SLC9C1: variants seen among roughly 807,000 people sequenced by gnomAD.
SLC9C1 encodes the protein solute carrier family 9 member C1, also known as sodium/hydrogen exchanger 10.
Under a neutral mutation model 140.9 loss-of-function variants are expected in SLC9C1, and 97 were observed. That is an observed-to-expected ratio of 0.69 (90% confidence interval 0.58 to 0.82). The LOEUF (loss-of-function observed/expected upper bound fraction) is 0.82. Ranked by LOEUF, SLC9C1 falls within the 40% of genes least tolerant of loss-of-function variation. The pLI is 0.00. For missense variants in SLC9C1, 1,340 were observed against 1,389.3 expected (o/e 0.96, Z 0.56); for synonymous variants, 440 against 442.6 (o/e 0.99, Z 0.07).
rs2077198670 is a variant in SLC9C1, at chr3:112,169,216, C to T, written c.3032G>A (p.Arg1011Lys). The change falls in exon 24 of 29, where the codon AGA (arginine) becomes AAA (lysine). Residue 1011 changes from arginine (R) to lysine (K), a missense_variant. Arg to Lys is a conservative substitution (Grantham distance 26). Transcript: ENST00000305815. The stretch of plus-strand genomic sequence containing the variant: ...TCCTACCTCATAAGATAAGTGTTCT[C>T]TGATTTTTCTGGCTGTAATAGCGAG... ...LGLAITARKI[R>K]EHLSYEDWNY... The T allele has an allele frequency of 6.2e-7, 1 of 1,612,854 alleles. No individual in the cohort carries two copies. The highest frequency in any genetic ancestry group is 1.3e-5 in the African/African-American group (1 of 74,868).
chr3:112,247,317 G>C (rs2079314694), intron 10 of SLC9C1, among the ~76,000 whole-genome samples: 1 of 152,026 alleles, frequency 6.6e-6, no homozygotes, highest in Admixed American at 6.6e-5. Flanking sequence ...TCTTAGATTT[G>C]AGGCTTTCCA....
intron 23 of SLC9C1, among the ~76,000 whole-genome samples, chr3:112,177,157 C>T (rs1338396597): frequency 6.6e-6 from 1 of 152,000 alleles, no homozygotes; most frequent in Non-Finnish European, 1.5e-5. Context: ...CAGGTGTGCA[C>T]CACTGTGCCC....
At position 112,208,352 on chromosome 3, in the gene SLC9C1, G is replaced by T. The variant is rs1053654467; in HGVS notation, c.1812C>A (p.Cys604Ter). Residue 604 changes from cysteine (C) to a stop codon, truncating the protein, a stop_gained, in exon 16 of 29, where the codon TGC becomes TGA. Coordinates refer to ENST00000305815, the MANE Select transcript of SLC9C1 (RefSeq NM_183061.3). LOFTEE classifies it high-confidence loss of function. ...ATTCCTCAGTAAATACTATTGTATG[G>T]CATATACGAAAAAAGAAGTATCTGT... The part of the protein sequence containing the change: ...GPSKYFFFRI[C>*]HTIVFTEEFE... The T allele has an allele frequency of 1.2e-5, 18 of 1,555,900 alleles. No individual in the cohort carries two copies. Among genetic ancestry groups the T allele is most frequent in the Non-Finnish European group, 1.4e-5 (16 of 1,152,982 alleles).
In SLC9C1 at chr3:112,169,346, A is replaced by G. The variant is rs185671757; in HGVS notation, c.2920-18T>C. 1.7e-3 allele frequency: 2,740 copies of G among 1,598,162 alleles called. 1 individual carries two copies. Among genetic ancestry groups the G allele is most frequent in the Non-Finnish European group, 2.1e-3 (2,448 of 1,173,936 alleles). ...AAACATGTCTGGAAAAGAAGGATGT[A>G]AATTTGATATTTTATTTTGTGCACT... On this transcript the variant is annotated intron_variant, in intron 23 of 28. Coordinates refer to ENST00000305815, the MANE Select transcript of SLC9C1 (RefSeq NM_183061.3).
intron 23 of SLC9C1, 29 bp downstream of exon 23, chr3:112,179,502 A>G (rs1281169958): frequency 1.3e-6 from 2 of 1,584,812 alleles, no homozygotes; most frequent in Non-Finnish European, 8.5e-7. Context: ...ACAAAATACA[A>G]CAAAAGTCAC....
intron 20 of SLC9C1, among the ~76,000 whole-genome samples, chr3:112,191,889 A>G (rs1049027820): frequency 2.0e-5 from 3 of 152,072 alleles, no homozygotes; most frequent in Non-Finnish European, 4.4e-5. Context: ...CTAATATGCA[A>G]TGTCCCTTAA....
chr3:112,179,287 C>T (rs2077395145), intron 23 of SLC9C1, among the ~76,000 whole-genome samples: 2 of 152,002 alleles, frequency 1.3e-5, no homozygotes, highest in African/African-American at 4.8e-5. Flanking sequence ...CATGAAAGAG[C>T]TTATATTGCC....
Position 112,204,238 on chromosome 3 carries a change from GA to G in SLC9C1, c.2151del (p.Arg718ValfsTer9). 1 of 1,501,192 alleles carries G rather than the reference GA, an allele frequency of 6.7e-7. No individual in the cohort carries two copies. Among genetic ancestry groups the G allele is most frequent in the Non-Finnish European group, 8.8e-7 (1 of 1,132,096 alleles). The allele number at this position is 1,501,192 out of a possible 1,614,324, so 93.0% of individuals were successfully genotyped here. On this transcript the variant is annotated frameshift_variant, in exon 17 of 29. Coordinates refer to ENST00000305815, the MANE Select transcript of SLC9C1 (RefSeq NM_183061.3). LOFTEE classifies it high-confidence loss of function. ...TTTACCTTGAAAATGCGTAGTATAC[GA>G]AAAAATTGAACAACTTTTATAAAGA... ...VIVFIKVVQF[F>X]RILRIFKLIA... is the part of the protein sequence containing the mutation.
chr3:112,153,129 A>C (rs995471511), intron 27 of SLC9C1, among the ~76,000 whole-genome samples: 4 of 152,182 alleles, frequency 2.6e-5, no homozygotes, highest in African/African-American at 7.2e-5. Flanking sequence ...CAGGGAGAAG[A>C]AGCATCTACT....
chr3:112,285,972 G>T (rs184475653), intron 2 of SLC9C1, among the ~76,000 whole-genome samples: 5 of 152,184 alleles, frequency 3.3e-5, no homozygotes, highest in African/African-American at 1.2e-4. Flanking sequence ...CTGTGTTCAT[G>T]GGCCTGGTCT....
rs1396380058 is a variant in SLC9C1, at chr3:112,235,307, T to C, written c.1447-3821A>G. Among the ~76,000 whole-genome samples, 69 of 142,414 alleles carry C rather than the reference T, an allele frequency of 4.8e-4. 3 individuals are homozygous for C. The highest frequency in any genetic ancestry group is 1.7e-3 in the African/African-American group (66 of 38,288). 93.4% of individuals were successfully genotyped at this position (142,414 alleles called of 152,430 possible). ...TATTGGTGTATAAGAATGCTTGTGA[T>C]TTTTGCACATTGATTTTGTATCCTG... On this transcript the variant is annotated intron_variant, in intron 12 of 28. Transcript: ENST00000305815.
intron 12 of SLC9C1, 69 bp from the exon 13 acceptor site, chr3:112,231,555 A>C: frequency 1.4e-6 from 2 of 1,470,002 alleles, no homozygotes; most frequent in Non-Finnish European, 1.8e-6. Context: ...AAAATCCACA[A>C]GCAATTTTTG....
At chr3:112,214,043 G>T (rs1288953035) in intron 15 of SLC9C1, among the ~76,000 whole-genome samples, 4 of 152,262 alleles carry the variant, frequency 2.6e-5, no homozygotes, top group African/African-American at 9.6e-5. Flanking sequence ...TAGAACTCAG[G>T]ATTAAGAAAC....
At position 112,220,032 on chromosome 3, in the gene SLC9C1, C is replaced by T. The variant is rs75176787; in HGVS notation, c.1670+1096G>A. ...TCACATTTGCCCAGCCCTCTCAACT[C>T]CCTCAACTTTACTAGGTCACCTAAA... On this transcript the variant is annotated intron_variant, in intron 14 of 28. Transcript: ENST00000305815. Among the ~76,000 whole-genome samples the T allele has an allele frequency of 6.6e-5, 10 of 152,276 alleles. No individual in the cohort carries two copies. In the East Asian group the frequency reaches 1.9e-3, roughly 29 times the overall value.
At chr3:112,170,521 C>T (rs1180305051) in intron 23 of SLC9C1, among the ~76,000 whole-genome samples, 4 of 151,978 alleles carry the variant, frequency 2.6e-5, no homozygotes, top group Non-Finnish European at 2.9e-5. Flanking sequence ...ATTTTAGATA[C>T]AAACCCATTA....
chr3:112,150,840 A>ACACATATATATATATATATATATTT (rs2074951631), intron 28 of SLC9C1, among the ~76,000 whole-genome samples: 6 of 57,322 alleles, frequency 1.0e-4, no homozygotes, highest in African/African-American at 4.3e-4. Context: ...ATATATATAT[A>ACACATATATATATATATATATATTT]TTTTTTTTTT....
At chr3:112,146,261 C>G (rs1333703775) in intron 28 of SLC9C1, among the ~76,000 whole-genome samples, 1 of 151,852 alleles carries the variant, frequency 6.6e-6, no homozygotes, top group Non-Finnish European at 1.5e-5. Context: ...TTTCAAAAAA[C>G]CAACTTTATT....
intron 6 of SLC9C1, among the ~76,000 whole-genome samples, chr3:112,271,828 C>A (rs550380433): frequency 6.6e-6 from 1 of 152,178 alleles, no homozygotes; most frequent in South Asian, 2.1e-4. Context: ...CTGATCGCTT[C>A]CTTATTTTTG....
intron 12 of SLC9C1, among the ~76,000 whole-genome samples, chr3:112,239,551 C>T (rs1488496230): frequency 6.6e-6 from 1 of 152,216 alleles, no homozygotes; most frequent in Non-Finnish European, 1.5e-5. Context: ...ATCACTCATG[C>T]TGGGAGCTGT....
Sources: allele counts gnomAD v4.1 joint callset (sites outside exome capture counted in the v4.1 genomes callset), GRCh38; gene constraint gnomAD v4.1.1; transcripts MANE v1.5; gene names NCBI Gene and HGNC (gene_info 2026-07-23, HGNC 2026-07-21).